Variants in SYNDIG1 observed in about 807,000 individuals in gnomAD.
The protein encoded by SYNDIG1 is synapse differentiation inducing 1, also known as synapse differentiation-inducing gene protein 1.
In SYNDIG1, 9 loss-of-function variants were observed where a neutral mutation model predicts 19.4. The ratio of observed to expected loss-of-function variants is 0.46; its 90% CI spans 0.28 to 0.81. The LOEUF (loss-of-function observed/expected upper bound fraction) is 0.81. Ranked by LOEUF, SYNDIG1 falls within the 30% of genes least tolerant of loss-of-function variation. The probability of loss-of-function intolerance (pLI) is 0.12; values close to 1 mark genes in which losing one functional copy is unlikely to be tolerated. For missense variants in SYNDIG1, 311 were observed against 343.3 expected (o/e 0.91, Z 0.74); for synonymous variants, 141 against 145.9 (o/e 0.97, Z 0.24).
chr20:24,627,799 C>G, intron 3 of SYNDIG1, among the ~76,000 whole-genome samples: 1 of 152,196 alleles, frequency 6.6e-6, no homozygotes, highest in East Asian at 1.9e-4. Flanking sequence ...TTGGGGGAAC[C>G]CTAAGAATAA....
chr20:24,489,497 A>C (rs577708175), intron 1 of SYNDIG1, among the ~76,000 whole-genome samples: 95 of 151,824 alleles, frequency 6.3e-4, no homozygotes, highest in African/African-American at 2.2e-3. Context: ...ACACATGGAC[A>C]CATAGACACA....
At chr20:24,589,148 G>A (rs995233613) in intron 3 of SYNDIG1, among the ~76,000 whole-genome samples, 10 of 152,186 alleles carry the variant, frequency 6.6e-5, no homozygotes, top group Admixed American at 2.0e-4. Context: ...TGATACTGAG[G>A]ATAGACATGA....
intron 1 of SYNDIG1, among the ~76,000 whole-genome samples, chr20:24,518,330 C>G (rs151042663): frequency 6.6e-6 from 1 of 152,162 alleles, no homozygotes; most frequent in African/African-American, 2.4e-5. Context: ...CGACACCTAG[C>G]AATGGGGACT....
intron 3 of SYNDIG1, among the ~76,000 whole-genome samples, chr20:24,652,898 C>T (rs1303187636): frequency 6.6e-6 from 1 of 152,138 alleles, no homozygotes; most frequent in Non-Finnish European, 1.5e-5. Context: ...ACACAGCCAC[C>T]CCCTGCTCAT....
intron 3 of SYNDIG1, among the ~76,000 whole-genome samples, chr20:24,634,979 C>T (rs998305891): frequency 6.6e-6 from 1 of 152,224 alleles, no homozygotes; most frequent in African/African-American, 2.4e-5. Context: ...CAGGCATCAT[C>T]GGATCCTGCA....
chr20:24,628,101 GA>G (rs2059182793), intron 3 of SYNDIG1, among the ~76,000 whole-genome samples: 1 of 152,212 alleles, frequency 6.6e-6, no homozygotes, highest in South Asian at 2.1e-4. Context: ...GGTGAGCTGT[GA>G]GTACGGCTCG....
intron 1 of SYNDIG1, among the ~76,000 whole-genome samples, chr20:24,478,956 G>T (rs1341054667): frequency 6.6e-6 from 1 of 152,216 alleles, no homozygotes; most frequent in Non-Finnish European, 1.5e-5. Context: ...CTGTGTTCTT[G>T]TCTCGCTCTC....
In SYNDIG1 at chr20:24,533,063, A is replaced by T. The variant is rs116689452; in HGVS notation, c.-78-9957A>T. Among the ~76,000 whole-genome samples the T allele has an allele frequency of 5.8e-3, 888 of 152,092 alleles. 14 individuals carry two copies. The highest frequency in any genetic ancestry group is 0.02 in the African/African-American group (848 of 41,466). On this transcript the variant is annotated intron_variant, in intron 1 of 3. Coordinates refer to ENST00000376862, the MANE Select transcript of SYNDIG1 (RefSeq NM_024893.3). ...AGAGAATCCGTCTTTTAGGGGCAGG[A>T]TTAGATTACTCCGCCTTCTGAGACT... is the stretch of plus-strand genomic sequence containing the variant.
intron 2 of SYNDIG1, among the ~76,000 whole-genome samples, chr20:24,561,429 G>T (rs767053591): frequency 6.6e-6 from 1 of 152,178 alleles, no homozygotes; most frequent in Non-Finnish European, 1.5e-5. Context: ...GTAGCTGGGC[G>T]TGGTTTTCCA....
chr20:24,617,953 G>T (rs552281263), intron 3 of SYNDIG1, among the ~76,000 whole-genome samples: 6 of 146,070 alleles, frequency 4.1e-5, no homozygotes, highest in African/African-American at 1.3e-4. Context: ...AGCCTGGGGA[G>T]GGGGAGACCC....
chr20:24,606,822 G>A (rs538052377), intron 3 of SYNDIG1, among the ~76,000 whole-genome samples: 48 of 152,284 alleles, frequency 3.2e-4, no homozygotes, highest in African/African-American at 9.1e-4. Context: ...TCCTGTATTC[G>A]TCAGAATGAT....
At chr20:24,565,611 C>T (rs572933337) in intron 2 of SYNDIG1, among the ~76,000 whole-genome samples, 1 of 152,306 alleles carries the variant, frequency 6.6e-6, no homozygotes, top group African/African-American at 2.4e-5. Context: ...GCCACTAGGA[C>T]AGATTAGTCC....
chr20:24,562,930 T>C (rs1277970198), intron 2 of SYNDIG1, among the ~76,000 whole-genome samples: 2 of 133,476 alleles, frequency 1.5e-5, no homozygotes, highest in Admixed American at 7.9e-5. Flanking sequence ...CTGACACAAG[T>C]AATTGTGACA....
intron 3 of SYNDIG1, among the ~76,000 whole-genome samples, chr20:24,617,151 C>A (rs894751315): frequency 6.6e-6 from 1 of 152,188 alleles, no homozygotes; most frequent in African/African-American, 2.4e-5. Flanking sequence ...AGGTGGCCGC[C>A]TGGGTGCTGT....
chr20:24,492,689 G>A (rs1033782461), intron 1 of SYNDIG1, among the ~76,000 whole-genome samples: 1 of 152,128 alleles, frequency 6.6e-6, no homozygotes, highest in African/African-American at 2.4e-5. Flanking sequence ...GAGTGTGAGG[G>A]GCCTATAAGG....
chr20:24,587,917 T>C (rs2058444319), intron 3 of SYNDIG1, among the ~76,000 whole-genome samples: 1 of 152,214 alleles, frequency 6.6e-6, no homozygotes, highest in African/African-American at 2.4e-5. Flanking sequence ...CTGCTCATTG[T>C]CAAAATAACT....
At chr20:24,557,934 C>T (rs1177204431) in intron 2 of SYNDIG1, among the ~76,000 whole-genome samples, 4 of 152,200 alleles carry the variant, frequency 2.6e-5, no homozygotes, top group African/African-American at 9.7e-5. Context: ...GGCTGCCTCG[C>T]CGGAAGAGGG....
chr20:24,635,178 C>T (rs142808747), intron 3 of SYNDIG1, among the ~76,000 whole-genome samples: 2 of 152,262 alleles, frequency 1.3e-5, no homozygotes, highest in African/African-American at 4.8e-5. Flanking sequence ...GGCCGTGGGC[C>T]CAGGTGCTGG....
intron 2 of SYNDIG1, among the ~76,000 whole-genome samples, chr20:24,569,651 A>G (rs2146933760): frequency 6.6e-6 from 1 of 152,338 alleles, no homozygotes; most frequent in Non-Finnish European, 1.5e-5. Flanking sequence ...CAAAAACCCC[A>G]GCTTTCTATT....
Sources: allele counts gnomAD v4.1 joint callset (sites outside exome capture counted in the v4.1 genomes callset), GRCh38; gene constraint gnomAD v4.1.1; transcripts MANE v1.5; gene names NCBI Gene and HGNC (gene_info 2026-07-23, HGNC 2026-07-21).